Variants in IGF2BP3 observed in about 807,000 individuals in gnomAD.
The protein encoded by IGF2BP3 is insulin like growth factor 2 mRNA binding protein 3.
Under a neutral mutation model 73.8 loss-of-function variants are expected in IGF2BP3, and 9 were observed. The ratio of observed to expected loss-of-function variants is 0.12; its 90% CI spans 0.07 to 0.21. The LOEUF (loss-of-function observed/expected upper bound fraction) is 0.21. Ranked by LOEUF, IGF2BP3 falls within the 10% of genes least tolerant of loss-of-function variation. IGF2BP3 has a pLI of 1.00. For missense variants in IGF2BP3, 542 were observed against 714.0 expected (o/e 0.76, Z 2.75); for synonymous variants, 258 against 256.7 (o/e 1.01, Z -0.05).
In IGF2BP3 at chr7:23,461,062, A is replaced by G. The variant is rs183808751; in HGVS notation, c.236+7420T>C. 3.3e-5 allele frequency among the ~76,000 whole-genome samples: 5 copies of G among 152,248 alleles called. No individual in the cohort carries two copies. The East Asian group carries it at 7.7e-4, about 23-fold the overall frequency. On this transcript the variant is annotated intron_variant, in intron 2 of 14. Coordinates refer to ENST00000258729, the MANE Select transcript of IGF2BP3 (RefSeq NM_006547.3). ...AAAATTTGTAAATCGTTCTCCTTCT[A>G]TTTACAGCAGAGCCAGGCCGAGATT...
intron 2 of IGF2BP3, among the ~76,000 whole-genome samples, chr7:23,419,196 A>G (rs374505553): frequency 6.6e-6 from 1 of 152,242 alleles, no homozygotes; most frequent in East Asian, 1.9e-4. Flanking sequence ...TGACCGTTAC[A>G]GCTAAGGAGT....
At chr7:23,334,648 T>G (rs892044733) in intron 10 of IGF2BP3, among the ~76,000 whole-genome samples, 1 of 152,244 alleles carries the variant, frequency 6.6e-6, no homozygotes, top group Non-Finnish European at 1.5e-5. Flanking sequence ...TGCTTCCCAA[T>G]GGATTTGTGC....
intron 2 of IGF2BP3, among the ~76,000 whole-genome samples, chr7:23,464,733 G>GA (rs1475094789): frequency 1.3e-5 from 2 of 150,412 alleles, no homozygotes; most frequent in South Asian, 2.1e-4. Context: ...AATAAAAATA[G>GA]AAAAAATCCT....
chr7:23,332,086 C>T (rs1784460495), intron 10 of IGF2BP3, among the ~76,000 whole-genome samples: 1 of 152,030 alleles, frequency 6.6e-6, no homozygotes, highest in South Asian at 2.1e-4. Flanking sequence ...AAATCCGCCC[C>T]CATGATCCAA....
chr7:23,378,358 C>CAAAA (rs397955498), intron 3 of IGF2BP3, among the ~76,000 whole-genome samples: 20 of 124,194 alleles, frequency 1.6e-4, no homozygotes, highest in African/African-American at 6.2e-4. Flanking sequence ...AGATAGTTTT[C>CAAAA]AAAAAAAAAA....
intron 2 of IGF2BP3, among the ~76,000 whole-genome samples, chr7:23,427,996 A>G (rs968568325): frequency 2.0e-5 from 3 of 151,654 alleles, no homozygotes; most frequent in African/African-American, 7.3e-5. Context: ...ACAGGGCGAG[A>G]CACCATCTCA....
At chr7:23,466,916 C>T (rs1364642208) in intron 2 of IGF2BP3, among the ~76,000 whole-genome samples, 1 of 152,218 alleles carries the variant, frequency 6.6e-6, no homozygotes, top group Non-Finnish European at 1.5e-5. Context: ...ATTTATTCAA[C>T]ATTTTAACAA....
chr7:23,337,934 A>G (rs1365836293), intron 10 of IGF2BP3, among the ~76,000 whole-genome samples: 1 of 152,236 alleles, frequency 6.6e-6, no homozygotes, highest in Non-Finnish European at 1.5e-5. Flanking sequence ...TAGAAGCACC[A>G]GTCCTGAAGG....
chr7:23,317,828 G>T, intron 11 of IGF2BP3, 115 bp from the exon 12 acceptor site: 2 of 834,452 alleles, frequency 2.4e-6, no homozygotes, highest in Non-Finnish European at 4.0e-6. Context: ...TAAAGCCTTC[G>T]TGAAGGAAAT....
chr7:23,449,228 C>A (rs1318717355), intron 2 of IGF2BP3, among the ~76,000 whole-genome samples: 1 of 151,906 alleles, frequency 6.6e-6, no homozygotes, highest in Non-Finnish European at 1.5e-5. Flanking sequence ...ACCAGAATAC[C>A]TGATACAGGC....
chr7:23,332,878 G>C (rs1784478011), intron 10 of IGF2BP3, among the ~76,000 whole-genome samples: 1 of 152,158 alleles, frequency 6.6e-6, no homozygotes. Flanking sequence ...AAAAAATTAA[G>C]GGTGGGATCT....
intron 3 of IGF2BP3, chr7:23,415,524 T>C: frequency 8.4e-6 from 2 of 238,008 alleles, no homozygotes; most frequent in South Asian, 3.8e-5. Context: ...CATCCGCAGG[T>C]CCCGTCCGTC....
At chr7:23,468,916 C>T (rs1163047421) in intron 1 of IGF2BP3, among the ~76,000 whole-genome samples, 2 of 152,208 alleles carry the variant, frequency 1.3e-5, no homozygotes, top group African/African-American at 4.8e-5. Flanking sequence ...CCCTGGCTTT[C>T]TTCAGGAGGG....
intron 3 of IGF2BP3, among the ~76,000 whole-genome samples, chr7:23,410,490 A>G (rs1786984764): frequency 6.6e-6 from 1 of 152,226 alleles, no homozygotes; most frequent in African/African-American, 2.4e-5. Flanking sequence ...GGGTGGGGTC[A>G]GAAATGCTTG....
At chr7:23,335,351 C>T (rs528701092) in intron 10 of IGF2BP3, among the ~76,000 whole-genome samples, 27 of 151,804 alleles carry the variant, frequency 1.8e-4, no homozygotes, top group African/African-American at 6.3e-4. Context: ...GGCTCAATCA[C>T]GGATCACTGC....
chr7:23,449,122 T>C (rs1417329848), intron 2 of IGF2BP3, among the ~76,000 whole-genome samples: 2 of 151,672 alleles, frequency 1.3e-5, no homozygotes, highest in East Asian at 3.8e-4. Context: ...TTATTATCTT[T>C]TTTTTTTTTC....
intron 3 of IGF2BP3, among the ~76,000 whole-genome samples, chr7:23,381,523 G>T (rs1393029980): frequency 3.9e-5 from 6 of 152,100 alleles, no homozygotes; most frequent in Non-Finnish European, 8.8e-5. Flanking sequence ...ACTTGTATAT[G>T]CTTATATGTT....
At chr7:23,361,645 C>G in intron 4 of IGF2BP3, 45 bp downstream of exon 4, 2 of 1,612,994 alleles carry the variant, frequency 1.2e-6, no homozygotes, top group African/African-American at 2.7e-5. Context: ...TTTCTTTCTA[C>G]TTCCTTCCTT....
At chr7:23,382,833 G>T (rs528629103) in intron 3 of IGF2BP3, among the ~76,000 whole-genome samples, 1 of 130,506 alleles carries the variant, frequency 7.7e-6, no homozygotes, top group African/African-American at 2.9e-5. Flanking sequence ...GGAGGGTAGA[G>T]ATTTGCTGGA....
Sources: allele counts gnomAD v4.1 joint callset (sites outside exome capture counted in the v4.1 genomes callset), GRCh38; gene constraint gnomAD v4.1.1; transcripts MANE v1.5; gene names NCBI Gene and HGNC (gene_info 2026-07-23, HGNC 2026-07-21).